Variants in C1orf115 observed in about 807,000 individuals in gnomAD.
C1orf115 encodes the protein required for drug-induced death protein 1.
C1orf115 carries 14 observed loss-of-function variants against 12.5 expected under a neutral mutation model. The ratio of observed to expected loss-of-function variants is 1.12; its 90% CI spans 0.74 to 1.75. The LOEUF (loss-of-function observed/expected upper bound fraction) is 1.75, where lower values mean the gene tolerates loss of function less well. C1orf115 is among the 40% of genes most tolerant of loss of function. The pLI is 0.00. For synonymous variants in C1orf115, 109 were observed against 104.6 expected, an observed-to-expected ratio of 1.04 and a Z score of -0.26; for missense variants, 237 against 220.8, an observed-to-expected ratio of 1.07 and a Z score of -0.46.
intron 1 of C1orf115, among the ~76,000 whole-genome samples, chr1:220,692,337 A>G (rs967929400): frequency 3.9e-5 from 6 of 152,218 alleles, no homozygotes; most frequent in Non-Finnish European, 5.9e-5. Context: ...CAATGTTTAT[A>G]TACACATTTT....
At chr1:220,694,359 A>G (rs1246563163) in intron 1 of C1orf115, among the ~76,000 whole-genome samples, 1 of 152,208 alleles carries the variant, frequency 6.6e-6, no homozygotes, top group African/African-American at 2.4e-5. Context: ...TGAGGTGGTT[A>G]CTAAATATTC....
rs150926261 is a variant in C1orf115 at position 220,696,018 on chromosome 1, T to C, written c.310-594T>C. Reference sequence around the variant, plus strand: ...TGTAGAAAAGGAAGAGGAGGAGTGGTTACCAAGAAAGCATTGCCCAAGCCT... The same window carrying C: ...TGTAGAAAAGGAAGAGGAGGAGTGGCTACCAAGAAAGCATTGCCCAAGCCT... On this transcript the variant is annotated intron_variant, in intron 1 of 1. Transcript: ENST00000294889. Among the ~76,000 whole-genome samples, 625 of 152,274 alleles carry C rather than the reference T, an allele frequency of 4.1e-3. 3 individuals are homozygous for C. The highest frequency in any genetic ancestry group is 0.014 in the African/African-American group (581 of 41,566).
At chr1:220,691,787 C>T (rs1670111639) in intron 1 of C1orf115, among the ~76,000 whole-genome samples, 1 of 152,216 alleles carries the variant, frequency 6.6e-6, no homozygotes, top group Admixed American at 6.5e-5. Flanking sequence ...AGGACTAGGA[C>T]TTGAAGATAT....
intron 1 of C1orf115, among the ~76,000 whole-genome samples, chr1:220,692,021 A>T (rs1360207965): frequency 2.0e-5 from 3 of 152,224 alleles, no homozygotes; most frequent in Non-Finnish European, 4.4e-5. Flanking sequence ...CGGTGACATG[A>T]AAACTGGGCA....
At chr1:220,693,816 C>T (rs383682) in intron 1 of C1orf115, among the ~76,000 whole-genome samples, 7,492 of 152,056 alleles carry the variant, frequency 0.049, 211 homozygotes, top group Middle Eastern at 0.15. Context: ...TGGTGGCTCA[C>T]ACATGTAATC....
intron 1 of C1orf115, among the ~76,000 whole-genome samples, chr1:220,691,562 C>G (rs1558343230): frequency 6.6e-6 from 1 of 151,894 alleles, no homozygotes; most frequent in Non-Finnish European, 1.5e-5. Context: ...GCCATTCAGT[C>G]TCCATGCCTG....
intron 1 of C1orf115, among the ~76,000 whole-genome samples, chr1:220,695,320 A>T (rs1190578645): frequency 1.3e-5 from 2 of 152,008 alleles, no homozygotes; most frequent in Non-Finnish European, 2.9e-5. Context: ...TGGTGAAGGG[A>T]AAGCCAAGAT....
At position 220,696,654 on chromosome 1, in the gene C1orf115, A is replaced by G. The variant is rs1670198519; in HGVS notation, c.352A>G (p.Ile118Val). ...CATCAAAGGATGCCGCTACGTGGTC[A>G]TCGGCCTGCAAGGCTTCGCTGCAGC... ...VIIKGCRYVV[I>V]GLQGFAAAYS... Residue 118 changes from isoleucine to valine, a missense_variant, in exon 2 of 2, where the codon ATC becomes GTC. Coordinates refer to ENST00000294889, the MANE Select transcript of C1orf115 (RefSeq NM_024709.5). 9 of 1,602,116 alleles carry G rather than the reference A, an allele frequency of 5.6e-6. No homozygotes were observed. Among genetic ancestry groups the G allele is most frequent in the Non-Finnish European group, 6.8e-6 (8 of 1,169,970 alleles).
rs1670222472 is a variant in C1orf115 at position 220,698,220 on chromosome 1, C to T, written c.*1489C>T. 1 of 152,264 alleles carries T rather than the reference C, an allele frequency of 6.6e-6. No individual in the cohort carries two copies. Among genetic ancestry groups the T allele is most frequent in the Non-Finnish European group, 1.5e-5 (1 of 68,096 alleles). 9.4% of individuals were successfully genotyped at this position (152,264 alleles called of 1,614,324 possible). A position where few individuals can be genotyped will look rare whatever the true frequency, so the allele number is the denominator to read the frequency against. On this transcript the variant is annotated 3_prime_UTR_variant, in exon 2 of 2. Coordinates refer to ENST00000294889, the MANE Select transcript of C1orf115 (RefSeq NM_024709.5). ...ACCAGTGACAGCACCTACCTGTTGTCCCAAGGCATACAAAGGAGGCCTCAA... is the reference window on the plus strand; with the variant it reads ...ACCAGTGACAGCACCTACCTGTTGTTCCAAGGCATACAAAGGAGGCCTCAA...
Position 220,690,555 on chromosome 1 carries a change from C to A in C1orf115, c.153C>A (p.Ser51Arg). Residue 51 changes from serine (S) to arginine (R), a missense_variant, in exon 1 of 2, where the codon AGC becomes AGA. Physicochemically the swap from Ser to Arg is moderately radical, Grantham distance 110. Transcript: ENST00000294889. ...YADEAEAAAESGTSAADERGP... is the reference protein window; with the variant it reads ...YADEAEAAAERGTSAADERGP... ...ACGAGGCGGAGGCGGCGGCCGAGAG[C>A]GGGACGAGCGCGGCGGACGAGCGGG... 1 of 1,465,560 alleles carries A rather than the reference C, an allele frequency of 6.8e-7. No homozygotes were observed. 90.8% of individuals were successfully genotyped at this position (1,465,560 alleles called of 1,614,324 possible).
intron 1 of C1orf115, among the ~76,000 whole-genome samples, chr1:220,695,032 T>C (rs923996924): frequency 6.6e-6 from 1 of 152,126 alleles, no homozygotes; most frequent in African/African-American, 2.4e-5. Flanking sequence ...CAAAAGCTGC[T>C]GAGAGGTCAG....
chr1:220,694,114 C>T (rs1228925806), intron 1 of C1orf115, among the ~76,000 whole-genome samples: 2 of 145,954 alleles, frequency 1.4e-5, no homozygotes, highest in South Asian at 2.2e-4. Context: ...CTCAAGTAAG[C>T]CAGAAGTCAT....
intron 1 of C1orf115, among the ~76,000 whole-genome samples, chr1:220,694,665 G>A (rs1470127668): frequency 7.9e-5 from 12 of 152,212 alleles, no homozygotes; most frequent in South Asian, 6.2e-4. Flanking sequence ...GCCAATCCAC[G>A]TTAGGTTTAT....
chr1:220,696,532 A>AT (rs531405288), intron 1 of C1orf115, 80 bp from the exon 2 acceptor site: 59 of 1,446,860 alleles, frequency 4.1e-5, no homozygotes, highest in African/African-American at 1.5e-4. Flanking sequence ...GCCGTGACTC[A>AT]TTTTTTTTCA....
At position 220,697,531 on chromosome 1, in the gene C1orf115, T is replaced by C. The variant is rs57487362; in HGVS notation, c.*800T>C. Reference sequence around the variant, plus strand: ...GCCCACTTCGGCCCAGCCACGTGTTTGCAGCGACCAGAGTCCCTGCAAAGG... The same window carrying C: ...GCCCACTTCGGCCCAGCCACGTGTTCGCAGCGACCAGAGTCCCTGCAAAGG... On this transcript the variant is annotated 3_prime_UTR_variant, in exon 2 of 2. Coordinates refer to ENST00000294889, the MANE Select transcript of C1orf115 (RefSeq NM_024709.5). This position sits in a 1 kb window ranked among gnomAD's most constrained non-coding sequence, Gnocchi z 4.5. 7.5e-3 allele frequency: 1,147 copies of C among 152,340 alleles called. 16 individuals are homozygous for C. Among genetic ancestry groups the C allele is most frequent in the African/African-American group, 0.026 (1,086 of 41,550 alleles). The allele number at this position is 152,340 out of a possible 1,614,324, so 9.4% of individuals were successfully genotyped here. A position where few individuals can be genotyped will look rare whatever the true frequency, so the allele number is the denominator to read the frequency against.
At chr1:220,694,747 A>G (rs6703686) in intron 1 of C1orf115, among the ~76,000 whole-genome samples, 2,019 of 151,788 alleles carry the variant, frequency 0.013, 32 homozygotes, top group African/African-American at 0.047. Context: ...GATCTCAAGT[A>G]ACGAATTGAA....
Position 220,690,726 on chromosome 1 carries a change from C to T in C1orf115, c.309+15C>T. 1.9e-6 allele frequency: 3 copies of T among 1,568,014 alleles called. No homozygotes were observed. Among genetic ancestry groups the T allele is most frequent in the Non-Finnish European group, 2.6e-6 (3 of 1,158,846 alleles). ...AGTACGGCAAGGTAGGGGCCCTGCG[C>T]CACCACTGCCCGGGGGGCGCGGGTG... is the stretch of plus-strand genomic sequence containing the variant. On this transcript the variant is annotated intron_variant, in intron 1 of 1. Coordinates refer to ENST00000294889, the MANE Select transcript of C1orf115 (RefSeq NM_024709.5).
At position 220,690,416 on chromosome 1, in the gene C1orf115, C is replaced by T; in HGVS notation, c.14C>T (p.Ala5Val). 1 of 1,434,460 alleles carries T rather than the reference C, an allele frequency of 7.0e-7. No homozygotes were observed. The highest frequency in any genetic ancestry group is 9.1e-7 in the Non-Finnish European group (1 of 1,102,054). 88.9% of individuals were successfully genotyped at this position (1,434,460 alleles called of 1,614,324 possible). A position where few individuals can be genotyped will look rare whatever the true frequency, so the allele number is the denominator to read the frequency against. MTVG[A>V]RLRSKAESSL... ...GGCCGGGACATCATGACGGTGGGAG[C>T]CAGGCTCCGAAGCAAGGCGGAGAGC... The change falls in exon 1 of 2, where the codon GCC becomes GTC. Residue 5 changes from alanine to valine, a missense_variant. By Grantham distance (64) the Ala-to-Val change is moderately conservative. Transcript: ENST00000294889.
At chr1:220,695,631 A>G (rs1670182286) in intron 1 of C1orf115, among the ~76,000 whole-genome samples, 1 of 147,386 alleles carries the variant, frequency 6.8e-6, no homozygotes, top group Admixed American at 6.9e-5. Flanking sequence ...TACCCGGGGG[A>G]GAGAGAAATT....
Sources: allele counts gnomAD v4.1 joint callset (sites outside exome capture counted in the v4.1 genomes callset), GRCh38; gene constraint gnomAD v4.1.1; non-coding constraint Gnocchi (gnomAD v3.1); transcripts MANE v1.5; gene names NCBI Gene and HGNC (gene_info 2026-07-23, HGNC 2026-07-21).